The following LYRM4 variants were observed in gnomAD, a reference collection of about 807,000 sequenced individuals.
LYRM4 encodes the protein LYR motif-containing protein 4.
In LYRM4, 9 loss-of-function variants were observed where a neutral mutation model predicts 11.7. That is an observed-to-expected ratio of 0.77 (90% CI 0.46 to 1.34). The LOEUF is 1.34. Among genes scored for constraint, LYRM4 ranks in the 40% most tolerant of loss-of-function variants. The probability of loss-of-function intolerance (pLI) is 0.00; values close to 1 mark genes in which losing one functional copy is unlikely to be tolerated. For missense variants in LYRM4, 133 were observed against 112.5 expected, an observed-to-expected ratio of 1.18 and a Z score of -0.82; for synonymous variants, 42 against 40.4, an observed-to-expected ratio of 1.04 and a Z score of -0.15.
intron 2 of LYRM4, among the ~76,000 whole-genome samples, chr6:5,183,569 T>A (rs976967531): frequency 2.6e-5 from 4 of 152,212 alleles, no homozygotes; most frequent in African/African-American, 7.2e-5. Context: ...TACTGAGTAA[T>A]TCTGCTATGC....
At chr6:5,176,494 A>G (rs1398746994) in intron 2 of LYRM4, among the ~76,000 whole-genome samples, 1 of 152,196 alleles carries the variant, frequency 6.6e-6, no homozygotes, top group Non-Finnish European at 1.5e-5. Context: ...GCTGGGTTCT[A>G]AGCTTTACCT....
intron 2 of LYRM4, among the ~76,000 whole-genome samples, chr6:5,199,932 AAC>A (rs926219880): frequency 5.3e-5 from 8 of 152,252 alleles, no homozygotes; most frequent in Non-Finnish European, 7.3e-5. Context: ...TGAGGGCTGC[AAC>A]ACAGTTTCAA....
chr6:5,113,011 G>T (rs1264721739), intron 2 of LYRM4: 1 of 180,880 alleles, frequency 5.5e-6, no homozygotes, highest in Non-Finnish European at 1.2e-5. Flanking sequence ...GGAATGGAAA[G>T]CTGCTAAAAT....
At position 5,109,354 on chromosome 6, in the gene LYRM4, C is replaced by T; in HGVS notation, c.*69G>A. ...CTATTGTAAGCTGGTTTTGGGAGCCCCCATCTCAAACAGAGAGTGGATGCT... is the reference window on the plus strand; with the variant it reads ...CTATTGTAAGCTGGTTTTGGGAGCCTCCATCTCAAACAGAGAGTGGATGCT... On this transcript the variant is annotated 3_prime_UTR_variant, in exon 3 of 3. Transcript: ENST00000330636. 3.1e-6 allele frequency: 5 copies of T among 1,605,506 alleles called. No individual in the cohort carries two copies. The highest frequency in any genetic ancestry group is 4.3e-6 in the Non-Finnish European group (5 of 1,173,542).
intron 1 of LYRM4, among the ~76,000 whole-genome samples, chr6:5,247,739 T>C (rs1409897208): frequency 6.6e-6 from 1 of 151,942 alleles, no homozygotes; most frequent in Non-Finnish European, 1.5e-5. Flanking sequence ...AAAGAATAAA[T>C]ACATACAGCT....
chr6:5,122,585 G>T (rs916998887), intron 2 of LYRM4, among the ~76,000 whole-genome samples: 2 of 152,194 alleles, frequency 1.3e-5, no homozygotes, highest in African/African-American at 2.4e-5. Flanking sequence ...CCCTTGATGA[G>T]ATGCAATGAG....
At chr6:5,240,015 C>T (rs1763783968) in intron 1 of LYRM4, among the ~76,000 whole-genome samples, 1 of 152,180 alleles carries the variant, frequency 6.6e-6, no homozygotes, top group Admixed American at 6.5e-5. Flanking sequence ...GAACCCAGGG[C>T]CTGTGGTCTA....
chr6:5,186,838 G>T, intron 2 of LYRM4: 1 of 544,000 alleles, frequency 1.8e-6, no homozygotes, highest in African/African-American at 2.0e-5. Flanking sequence ...ACAAAAATTA[G>T]CCAGGCGTGG....
chr6:5,109,601 G>A, intron 2 of LYRM4, 110 bp from the exon 3 acceptor site: 4 of 1,132,140 alleles, frequency 3.5e-6, no homozygotes, highest in African/African-American at 1.5e-5. Context: ...CCATCCCAGG[G>A]CTGCTCCCTT....
intron 2 of LYRM4, among the ~76,000 whole-genome samples, chr6:5,120,200 T>A (rs1173002841): frequency 6.6e-6 from 1 of 152,130 alleles, no homozygotes; most frequent in Non-Finnish European, 1.5e-5. Flanking sequence ...TGGCCGGGAA[T>A]GAAATTATTT....
At chr6:5,098,470 C>T in the LYRM4 span, among the ~76,000 whole-genome samples, 10 of 152,208 alleles carry the variant, frequency 6.6e-5, no homozygotes, top group African/African-American at 1.9e-4. Context: ...CACATACCCT[C>T]GGAGTGGGCC....
chr6:5,123,253 G>A (rs1763543907), intron 2 of LYRM4, among the ~76,000 whole-genome samples: 2 of 152,282 alleles, frequency 1.3e-5, no homozygotes, highest in East Asian at 1.9e-4. Flanking sequence ...CCCCAGCCTC[G>A]GGAAGGCAGC....
intron 2 of LYRM4, chr6:5,136,910 A>G: frequency 1.2e-6 from 1 of 826,978 alleles, no homozygotes; most frequent in Non-Finnish European, 1.5e-6. Flanking sequence ...TAGTATATTC[A>G]CAGTTGTGCA....
rs551565644 is a variant in LYRM4, at chr6:5,151,580, T to C, written c.208-42089A>G. Reference sequence around the variant, plus strand: ...TGCTTATCCTGCCCTCGGTGGCATATGCTATCTCCTGTATCAATTCGCCAA... The same window carrying C: ...TGCTTATCCTGCCCTCGGTGGCATACGCTATCTCCTGTATCAATTCGCCAA... On this transcript the variant is annotated intron_variant, in intron 2 of 2. Transcript: ENST00000330636. Among the ~76,000 whole-genome samples, 4 of 152,314 alleles carry C rather than the reference T, an allele frequency of 2.6e-5. No homozygotes were observed. The South Asian group carries it at 6.2e-4, about 24-fold the overall frequency.
intron 2 of LYRM4, among the ~76,000 whole-genome samples, chr6:5,207,654 G>A (rs1761772591): frequency 6.6e-6 from 1 of 152,224 alleles, no homozygotes; most frequent in African/African-American, 2.4e-5. Context: ...TGGAGCTGTA[G>A]CCTTCAGATC....
intron 2 of LYRM4, among the ~76,000 whole-genome samples, chr6:5,208,743 A>C (rs1761837177): frequency 6.6e-6 from 1 of 152,256 alleles, no homozygotes; most frequent in African/African-American, 2.4e-5. Flanking sequence ...TGGAATTTCT[A>C]GAAAAAGCAG....
At chr6:5,181,288 C>T (rs1581450171) in intron 2 of LYRM4, among the ~76,000 whole-genome samples, 1 of 152,202 alleles carries the variant, frequency 6.6e-6, no homozygotes, top group Non-Finnish European at 1.5e-5. Flanking sequence ...TCCTCTCCCT[C>T]TTTTCTTCCA....
intron 1 of LYRM4, among the ~76,000 whole-genome samples, chr6:5,226,178 T>C (rs940911871): frequency 2.6e-5 from 4 of 152,212 alleles, no homozygotes; most frequent in African/African-American, 9.7e-5. Context: ...TTTTATGTTA[T>C]GGCTTCTGTG....
intron 2 of LYRM4, among the ~76,000 whole-genome samples, chr6:5,125,958 A>G (rs1198576409): frequency 6.6e-6 from 1 of 152,226 alleles, no homozygotes; most frequent in Non-Finnish European, 1.5e-5. Context: ...CCCTGAGGAC[A>G]CTGCCCATTG....
Sources: gnomAD v4.1 joint callset for allele counts (sites outside exome capture counted in the v4.1 genomes callset) on GRCh38, gnomAD v4.1.1 for gene constraint, MANE v1.5 for transcripts, NCBI Gene and HGNC (gene_info 2026-07-23, HGNC 2026-07-21) for gene names.